Variants in TANC2 observed in about 807,000 individuals in gnomAD.
TANC2 encodes protein TANC2.
In TANC2, 26 loss-of-function variants were observed where a neutral mutation model predicts 210.5. The ratio of observed to expected loss-of-function variants is 0.12; its 90% confidence interval spans 0.09 to 0.17. TANC2 has a LOEUF of 0.17. Ranked by LOEUF, TANC2 falls within the 10% of genes least tolerant of loss-of-function variation. TANC2 has a pLI of 1.00. For missense variants in TANC2, 2,129 were observed against 2,608.9 expected (o/e 0.82, Z 4.01); for synonymous variants, 931 against 967.1 (o/e 0.96, Z 0.69).
intron 2 of TANC2, among the ~76,000 whole-genome samples, chr17:63,023,772 A>G (rs1401842501): frequency 2.0e-5 from 3 of 152,228 alleles, no homozygotes; most frequent in Non-Finnish European, 4.4e-5. Flanking sequence ...ATAACAGAAA[A>G]TAAGGATTCT....
At chr17:63,315,402 C>G (rs550741363) in intron 10 of TANC2, among the ~76,000 whole-genome samples, 1 of 152,230 alleles carries the variant, frequency 6.6e-6, no homozygotes, top group East Asian at 1.9e-4. Flanking sequence ...GTTTTACAGC[C>G]AATAAATGGG....
At chr17:63,162,436 CTA>C (rs929524999) in intron 5 of TANC2, among the ~76,000 whole-genome samples, 3 of 151,984 alleles carry the variant, frequency 2.0e-5, no homozygotes, top group African/African-American at 7.3e-5. Flanking sequence ...CTGTAGGAGA[CTA>C]TGAGACAAGC....
At chr17:63,068,596 AC>A (rs1349634728) in intron 2 of TANC2, among the ~76,000 whole-genome samples, 1 of 152,182 alleles carries the variant, frequency 6.6e-6, no homozygotes, top group Non-Finnish European at 1.5e-5. Flanking sequence ...ATATATTCAT[AC>A]AGTGGAATAC....
chr17:63,326,901 CT>C (rs34088320), intron 11 of TANC2, among the ~76,000 whole-genome samples: 1 of 152,046 alleles, frequency 6.6e-6, no homozygotes, highest in Non-Finnish European at 1.5e-5. Context: ...AACTAAAAAC[CT>C]TTTGCACAGC....
intron 3 of TANC2, among the ~76,000 whole-genome samples, chr17:63,092,216 T>C (rs1278098760): frequency 3.3e-5 from 5 of 152,096 alleles, no homozygotes; most frequent in South Asian, 2.1e-4. Context: ...GAGGGACATA[T>C]ATCTTCATTT....
chr17:63,032,869 G>GC (rs1305353091), intron 2 of TANC2, among the ~76,000 whole-genome samples: 2 of 151,998 alleles, frequency 1.3e-5, no homozygotes, highest in South Asian at 4.2e-4. Flanking sequence ...CCCACAAGAC[G>GC]CCCCCCACTT....
At chr17:63,344,368 G>A (rs768742613) in intron 12 of TANC2, among the ~76,000 whole-genome samples, 5 of 152,124 alleles carry the variant, frequency 3.3e-5, no homozygotes, top group Non-Finnish European at 5.9e-5. Flanking sequence ...GTCTGATAAA[G>A]GACAACTCCA....
chr17:63,090,190 C>T (rs547115691), intron 3 of TANC2, among the ~76,000 whole-genome samples: 11 of 151,368 alleles, frequency 7.3e-5, no homozygotes, highest in Non-Finnish European at 1.5e-4. Context: ...AGTCTTTTGA[C>T]CGTATTACTG....
intron 2 of TANC2, among the ~76,000 whole-genome samples, chr17:63,049,466 C>T (rs370255525): frequency 1.3e-5 from 2 of 152,020 alleles, no homozygotes; most frequent in African/African-American, 2.4e-5. Flanking sequence ...ACAAGCCATG[C>T]GGACATCTGG....
At chr17:63,177,469 T>C (rs1244961587) in intron 5 of TANC2, among the ~76,000 whole-genome samples, 4 of 151,828 alleles carry the variant, frequency 2.6e-5, no homozygotes, top group Non-Finnish European at 5.9e-5. Flanking sequence ...GCAGAAAATA[T>C]ATGGTAAGAA....
intron 8 of TANC2, among the ~76,000 whole-genome samples, chr17:63,266,100 G>A (rs553978870): frequency 9.9e-5 from 15 of 152,012 alleles, no homozygotes; most frequent in African/African-American, 3.1e-4. Context: ...GACATGTTCA[G>A]GCATAAGCTA....
chr17:63,266,549 T>G (rs1427633961), intron 8 of TANC2, among the ~76,000 whole-genome samples: 1 of 152,132 alleles, frequency 6.6e-6, no homozygotes, highest in Non-Finnish European at 1.5e-5. Flanking sequence ...CTTTTTTGCT[T>G]CTTAGTTTAT....
intron 5 of TANC2, among the ~76,000 whole-genome samples, chr17:63,174,399 T>C (rs2040507024): frequency 6.6e-6 from 1 of 152,212 alleles, no homozygotes; most frequent in Admixed American, 6.5e-5. Context: ...AGTTTCAAAG[T>C]GTTGCCCCCC....
At chr17:63,080,845 A>G (rs948000681) in intron 3 of TANC2, among the ~76,000 whole-genome samples, 1 of 152,112 alleles carries the variant, frequency 6.6e-6, no homozygotes, top group African/African-American at 2.4e-5. Context: ...AATGAATAAG[A>G]CCGTTCTGTT....
chr17:63,188,614 C>G (rs1412963347), intron 5 of TANC2, among the ~76,000 whole-genome samples: 3 of 150,526 alleles, frequency 2.0e-5, no homozygotes, highest in Non-Finnish European at 4.4e-5. Flanking sequence ...CTGGCAAAAT[C>G]TGAATAAGGT....
At chr17:62,981,111 G>A (rs2032275029) in intron 1 of TANC2, among the ~76,000 whole-genome samples, 1 of 152,172 alleles carries the variant, frequency 6.6e-6, no homozygotes, top group South Asian at 2.1e-4. Flanking sequence ...TCATGGTTTA[G>A]TGCTGCCCAG....
chr17:63,043,446 C>A (rs2035267025), intron 2 of TANC2, among the ~76,000 whole-genome samples: 1 of 151,960 alleles, frequency 6.6e-6, no homozygotes, highest in Admixed American at 6.6e-5. Context: ...ATTTTCACAA[C>A]CTTGTGGAAT....
At chr17:63,271,588 C>CG (rs1159635634) in intron 9 of TANC2, among the ~76,000 whole-genome samples, 18 of 151,890 alleles carry the variant, frequency 1.2e-4, no homozygotes, top group Non-Finnish European at 2.5e-4. Context: ...GGTATTTATC[C>CG]TAATGCTGTT....
At chr17:63,201,577 A>G (rs1363011701) in intron 7 of TANC2, among the ~76,000 whole-genome samples, 1 of 151,954 alleles carries the variant, frequency 6.6e-6, no homozygotes, top group African/African-American at 2.4e-5. Context: ...GTATTCAAGC[A>G]AAGAAATTTT....
Sources: gnomAD v4.1 joint callset for allele counts (sites outside exome capture counted in the v4.1 genomes callset) on GRCh38, gnomAD v4.1.1 for gene constraint, MANE v1.5 for transcripts, NCBI Gene and HGNC (gene_info 2026-07-23, HGNC 2026-07-21) for gene names.